FGD2: variants seen among roughly 807,000 people sequenced by gnomAD.
The protein encoded by FGD2 is FYVE, RhoGEF and PH domain containing 2, also known as FYVE, RhoGEF and PH domain-containing protein 2.
In FGD2, 52 loss-of-function variants were observed where a neutral mutation model predicts 75.9. The ratio of observed to expected loss-of-function variants is 0.69; its 90% CI spans 0.55 to 0.86. The LOEUF is 0.86. FGD2 is among the 40% of genes least tolerant of loss of function. FGD2 has a pLI of 0.00. For missense variants in FGD2, 790 were observed against 872.0 expected, an observed-to-expected ratio of 0.91 and a Z score of 1.18; for synonymous variants, 347 against 348.6, an observed-to-expected ratio of 1.00 and a Z score of 0.05.
Position 37,024,724 on chromosome 6 carries a change from C to T in FGD2, c.1459-1068C>T, listed in dbSNP as rs142848053. 2.0e-5 allele frequency: 3 copies of T among 152,310 alleles called. No homozygotes were observed. The South Asian group carries it at 6.2e-4, about 32-fold the overall frequency. 9.4% of individuals were successfully genotyped at this position (152,310 alleles called of 1,614,324 possible). ...AAAAATGCTCCTGAGGTAGCTGAAG[C>T]CCCCGTGTGGGGCTGTGCCCTGACC... On this transcript the variant is annotated intron_variant, in intron 13 of 15. Transcript: ENST00000274963.
chr6:37,019,612 G>T (rs546363545), intron 9 of FGD2, among the ~76,000 whole-genome samples: 1 of 152,162 alleles, frequency 6.6e-6, no homozygotes, highest in Non-Finnish European at 1.5e-5. Flanking sequence ...TCTCCACACC[G>T]TCTGAAGGAA....
intron 6 of FGD2, 84 bp downstream of exon 6, chr6:37,014,184 T>C: frequency 6.7e-7 from 1 of 1,491,970 alleles, no homozygotes; most frequent in South Asian, 1.3e-5. Flanking sequence ...TAAAATGGTT[T>C]TGACGACCAT....
Position 37,014,039 on chromosome 6 carries a change from G to T in FGD2, c.762G>T (p.Leu254=). 1 of 1,614,146 alleles carries T rather than the reference G, an allele frequency of 6.2e-7. No individual in the cohort carries two copies. Residue 254 remains leucine, a synonymous_variant, in exon 6 of 16, where the codon CTG becomes CTT. Transcript: ENST00000274963. ...TGCAGAGAATTCCACGTTACGAGCT[G>T]CTGCTCAAGGAGTACATCCAGAAGC... ...EPVQRIPRYE[L]LLKEYIQKLP...
chr6:37,015,197 A>T (rs1403850824), intron 8 of FGD2, among the ~76,000 whole-genome samples, 159 bp downstream of exon 8: 1 of 152,154 alleles, frequency 6.6e-6, no homozygotes, highest in Non-Finnish European at 1.5e-5. Flanking sequence ...ATGACTTTGG[A>T]CAGGTCACCT....
chr6:37,012,488 G>C (rs1374725445), intron 4 of FGD2, among the ~76,000 whole-genome samples: 1 of 152,026 alleles, frequency 6.6e-6, no homozygotes, highest in African/African-American at 2.4e-5. Context: ...AAGGTGGGTG[G>C]ATCACTTGAG....
intron 4 of FGD2, 85 bp downstream of exon 4, chr6:37,011,939 C>A: frequency 6.9e-7 from 1 of 1,457,518 alleles, no homozygotes; most frequent in Non-Finnish European, 9.2e-7. Flanking sequence ...CTAGGTTCAG[C>A]CTCCTAGGCC....
chr6:37,025,597 G>A (rs1026025074), intron 13 of FGD2, 195 bp from the exon 14 acceptor site: 3 of 605,946 alleles, frequency 5.0e-6, no homozygotes, highest in East Asian at 2.8e-5. Context: ...GCTCCCCCAT[G>A]TGTCGCAGCC....
intron 1 of FGD2, 21 bp downstream of exon 1, chr6:37,005,906 A>C: frequency 6.2e-7 from 1 of 1,610,408 alleles, no homozygotes; most frequent in Non-Finnish European, 8.5e-7. Context: ...CTGGGGTGGG[A>C]GGGTCACCAT....
chr6:37,011,687 C>A lies in FGD2; in HGVS notation c.379-19C>A. 6.2e-7 allele frequency: 1 copy of A among 1,613,518 alleles called. No homozygotes were observed. On this transcript the variant is annotated intron_variant, in intron 3 of 15. Transcript: ENST00000274963. ...GGCTCCCTGTCACTGCAGTGAGTGA[C>A]CTGTCGTGGCGGCTACAGGTGTTTT...
rs189730234 is a variant in FGD2, at chr6:37,011,299, C to G, written c.378+249C>G. 3,743 of 584,366 alleles carry G rather than the reference C, an allele frequency of 6.4e-3. 37 individuals carry two copies. The highest frequency in any genetic ancestry group is 0.012 in the Middle Eastern group (26 of 2,198). The allele number at this position is 584,366 out of a possible 1,614,324, so 36.2% of individuals were successfully genotyped here. On this transcript the variant is annotated intron_variant, in intron 3 of 15. Coordinates refer to ENST00000274963, the MANE Select transcript of FGD2 (RefSeq NM_173558.4). ...ATAGCAGAGAACACACCAGCTGGCC[C>G]TTGCTGGCCTACACGGTATCTTCAT...
In FGD2 at chr6:37,013,594, G is replaced by A. The variant is rs1158062181; in HGVS notation, c.528-15G>A. 1 of 1,611,452 alleles carries A rather than the reference G, an allele frequency of 6.2e-7. No individual in the cohort carries two copies. The highest frequency in any genetic ancestry group is 1.7e-5 in the Admixed American group (1 of 59,810). The stretch of plus-strand genomic sequence containing the variant: ...GGTCTCTAGGCTGAGGGCAATCCCT[G>A]TGCCCCTCCTGCAGGACAGCTAACC... On this transcript the variant is annotated splice_polypyrimidine_tract_variant and intron_variant, in intron 4 of 15. Transcript: ENST00000274963.
intron 4 of FGD2, 117 bp downstream of exon 4, chr6:37,011,971 T>C: frequency 1.7e-6 from 2 of 1,183,264 alleles, no homozygotes; most frequent in South Asian, 3.2e-5. Flanking sequence ...TGTGTGGCCA[T>C]GCCTCCCTGG....
intron 4 of FGD2, 48 bp from the exon 5 acceptor site, chr6:37,013,561 C>A: frequency 6.3e-7 from 1 of 1,589,082 alleles, no homozygotes; most frequent in Non-Finnish European, 8.6e-7. Context: ...TATCTAGAGT[C>A]GAGAGGAGGT....
chr6:37,015,629 G>A (rs2150774851), intron 8 of FGD2, 139 bp from the exon 9 acceptor site: 1 of 744,504 alleles, frequency 1.3e-6, no homozygotes, highest in Non-Finnish European at 2.3e-6. Context: ...GATGTCCTGT[G>A]AGCAGGCTGG....
intron 12 of FGD2, 161 bp downstream of exon 12, chr6:37,021,765 G>A: frequency 1.5e-6 from 1 of 651,208 alleles, no homozygotes; most frequent in Non-Finnish European, 2.6e-6. Flanking sequence ...CCCCGACTCA[G>A]GGCCTGAGCA....
At chr6:37,016,365 A>G (rs976345939) in intron 9 of FGD2, among the ~76,000 whole-genome samples, 1 of 152,132 alleles carries the variant, frequency 6.6e-6, no homozygotes, top group Non-Finnish European at 1.5e-5. Context: ...CGTTTTGAGT[A>G]GGAAAGGTCT....
intron 11 of FGD2, among the ~76,000 whole-genome samples, chr6:37,021,168 G>A (rs1765575168): frequency 6.6e-6 from 1 of 152,048 alleles, no homozygotes; most frequent in Non-Finnish European, 1.5e-5. Context: ...GTGTGTGTGT[G>A]CATGCTCCCA....
In FGD2 at chr6:37,010,472, G is replaced by A. The variant is rs149025208; in HGVS notation, c.301-501G>A. On this transcript the variant is annotated intron_variant, in intron 2 of 15. Coordinates refer to ENST00000274963, the MANE Select transcript of FGD2 (RefSeq NM_173558.4). ...GCTTCAACACAGGAATTTGGTTGGCGGACGCAGTTTAGTTCCCAGCGGGAT... is the reference window on the plus strand; with the variant it reads ...GCTTCAACACAGGAATTTGGTTGGCAGACGCAGTTTAGTTCCCAGCGGGAT... Among the ~76,000 whole-genome samples, 5 of 152,342 alleles carry A rather than the reference G, an allele frequency of 3.3e-5. No homozygotes were observed. In the East Asian group the frequency reaches 7.7e-4, roughly 24 times the overall value.
intron 2 of FGD2, 79 bp downstream of exon 2, chr6:37,009,144 T>G: frequency 7.2e-7 from 1 of 1,379,880 alleles, no homozygotes; most frequent in Non-Finnish European, 9.9e-7. Context: ...CATGCTTTCC[T>G]AGCCAGAGCC....
Sources: allele counts gnomAD v4.1 joint callset (sites outside exome capture counted in the v4.1 genomes callset), GRCh38; gene constraint gnomAD v4.1.1; transcripts MANE v1.5; gene names NCBI Gene and HGNC (gene_info 2026-07-23, HGNC 2026-07-21).